TTC39B: variants seen among roughly 807,000 people sequenced by gnomAD.
TTC39B encodes the protein tetratricopeptide repeat domain 39B.
Under a neutral mutation model 96.6 loss-of-function variants are expected in TTC39B, and 92 were observed. The ratio of observed to expected loss-of-function variants is 0.95; its 90% confidence interval spans 0.80 to 1.13. The LOEUF is 1.13. TTC39B is among the 50% of genes most tolerant of loss of function. The pLI, the probability that TTC39B is intolerant of heterozygous loss-of-function variation, is 0.00. For missense variants in TTC39B, 955 were observed against 809.3 expected (o/e 1.18, Z -2.18); for synonymous variants, 367 against 299.4 (o/e 1.23, Z -2.33).
intron 1 of TTC39B, among the ~76,000 whole-genome samples, chr9:15,301,448 T>C (rs1035223533): frequency 3.2e-4 from 48 of 152,122 alleles, no homozygotes; most frequent in African/African-American, 1.1e-3. Flanking sequence ...TCAATGAACG[T>C]TGGTGGAATG....
chr9:15,226,939 A>C (rs1821152262), intron 2 of TTC39B, among the ~76,000 whole-genome samples: 3 of 152,122 alleles, frequency 2.0e-5, no homozygotes, highest in Admixed American at 1.3e-4. Flanking sequence ...AAAAGAGGTA[A>C]AGTCATTAAA....
intron 18 of TTC39B, among the ~76,000 whole-genome samples, chr9:15,175,781 C>A (rs1295998624): frequency 6.6e-6 from 1 of 152,216 alleles, no homozygotes; most frequent in Non-Finnish European, 1.5e-5. Flanking sequence ...CTACCTCCAA[C>A]TGAGTCAAGG....
chr9:15,301,162 G>C (rs960981687), intron 1 of TTC39B, among the ~76,000 whole-genome samples: 2 of 152,134 alleles, frequency 1.3e-5, no homozygotes, highest in African/African-American at 2.4e-5. Context: ...CTCCTTTCAA[G>C]TCTTTGCCGG....
In TTC39B at chr9:15,172,058, C is replaced by T. The variant is rs769245921; in HGVS notation, c.2010G>A (p.Gln670=). The T allele has an allele frequency of 2.5e-6, 4 of 1,612,852 alleles. No homozygotes were observed. In the South Asian group the frequency reaches 4.4e-5, roughly 18 times the overall value. ...GTTTTCTCCAGAGGTGAAGAGCTGC[C>T]TGAATTCTGAAGTGTAGTCTGGACT... The change falls in exon 20 of 20, where the codon CAG becomes CAA. Residue 670 remains glutamine, a synonymous_variant. Coordinates refer to ENST00000512701, the Ensembl canonical transcript of TTC39B.
At chr9:15,222,407 C>A (rs1366314361) in intron 3 of TTC39B, among the ~76,000 whole-genome samples, 2 of 152,144 alleles carry the variant, frequency 1.3e-5, no homozygotes, top group Non-Finnish European at 2.9e-5. Context: ...ATCTTTAGAA[C>A]TTTCTCAGCT....
At chr9:15,263,440 T>C (rs528076266) in intron 2 of TTC39B, among the ~76,000 whole-genome samples, 2 of 152,286 alleles carry the variant, frequency 1.3e-5, no homozygotes, top group East Asian at 3.9e-4. Flanking sequence ...CTGTCAAGTG[T>C]GGTCAGTCCC....
At chr9:15,236,389 T>A (rs1438586274) in intron 2 of TTC39B, among the ~76,000 whole-genome samples, 1 of 152,114 alleles carries the variant, frequency 6.6e-6, no homozygotes, top group Non-Finnish European at 1.5e-5. Flanking sequence ...CTTCAACACC[T>A]CCACTGACAT....
intron 1 of TTC39B, among the ~76,000 whole-genome samples, chr9:15,291,632 T>C (rs533716085): frequency 4.6e-5 from 7 of 152,348 alleles, no homozygotes; most frequent in Non-Finnish European, 1.0e-4. Flanking sequence ...CTGCTATTTA[T>C]CCAACATGTT....
At chr9:15,302,641 C>A (rs1006323698) in intron 1 of TTC39B, among the ~76,000 whole-genome samples, 4 of 148,196 alleles carry the variant, frequency 2.7e-5, no homozygotes, top group East Asian at 4.1e-4. Flanking sequence ...GTCAGGAGTT[C>A]GAGACCGGCC....
At chr9:15,218,456 AC>A (rs1820648283) in intron 3 of TTC39B, among the ~76,000 whole-genome samples, 1 of 152,010 alleles carries the variant, frequency 6.6e-6, no homozygotes, top group Non-Finnish European at 1.5e-5. Context: ...CAAGTTAACA[AC>A]CATGTCTAAC....
intron 2 of TTC39B, among the ~76,000 whole-genome samples, chr9:15,259,672 G>A (rs182318985): frequency 6.6e-6 from 1 of 152,242 alleles, no homozygotes; most frequent in African/African-American, 2.4e-5. Context: ...GGTTCAACTT[G>A]CAATTTTCCA....
intron 2 of TTC39B, among the ~76,000 whole-genome samples, chr9:15,248,640 T>C (rs1489013642): frequency 1.3e-5 from 2 of 152,190 alleles, no homozygotes; most frequent in Non-Finnish European, 2.9e-5. Flanking sequence ...ATGAAATGAA[T>C]GAACGAATAT....
chr9:15,218,632 T>TAAAAAAAAATA (rs545882970), intron 3 of TTC39B, among the ~76,000 whole-genome samples: 1 of 105,110 alleles, frequency 9.5e-6, no homozygotes, highest in Non-Finnish European at 2.2e-5. Flanking sequence ...TTAGTCTATT[T>TAAAAAAAAATA]TAAATATATA....
chr9:15,265,568 G>A (rs1196497153), intron 2 of TTC39B, among the ~76,000 whole-genome samples: 1 of 152,142 alleles, frequency 6.6e-6, no homozygotes, highest in Non-Finnish European at 1.5e-5. Flanking sequence ...TCTGAATGGC[G>A]ATCACTTGCC....
rs186604712 is a variant in TTC39B, at chr9:15,204,326, C to T, written c.692-436G>A. 8.6e-4 allele frequency among the ~76,000 whole-genome samples: 131 copies of T among 152,082 alleles called. 1 individual carries two copies. Among genetic ancestry groups the T allele is most frequent in the East Asian group, 7.9e-3 (41 of 5,178 alleles). Reference sequence around the variant, plus strand: ...GGTGGATCACCTGAGGTCAGGAGATCGAGACCAGCCTGACCAACAGGCAGA... The same window carrying T: ...GGTGGATCACCTGAGGTCAGGAGATTGAGACCAGCCTGACCAACAGGCAGA... On this transcript the variant is annotated intron_variant, in intron 6 of 19. Coordinates refer to ENST00000512701, the Ensembl canonical transcript of TTC39B.
At chr9:15,248,645 G>A (rs570146323) in intron 2 of TTC39B, among the ~76,000 whole-genome samples, 4 of 144,800 alleles carry the variant, frequency 2.8e-5, no homozygotes, top group South Asian at 2.2e-4. Flanking sequence ...ATGAATGAAC[G>A]AATATAAGAT....
chr9:15,204,426 G>T (rs1372495351), intron 6 of TTC39B, among the ~76,000 whole-genome samples: 1 of 152,072 alleles, frequency 6.6e-6, no homozygotes, highest in Non-Finnish European at 1.5e-5. Flanking sequence ...CTATTCGGGA[G>T]GCTGAGGTAG....
At position 15,188,147 on chromosome 9, in the gene TTC39B, C is replaced by G. The variant is rs777864932; in HGVS notation, c.1234-15G>C. ...ACTTCTTGTGCCTGTAAATCAAGTA[C>G]ACAAAGTTGATCGTCCAGATATTAG... On this transcript the variant is annotated splice_polypyrimidine_tract_variant and intron_variant, in intron 13 of 19. Coordinates refer to ENST00000512701, the Ensembl canonical transcript of TTC39B. 2 of 1,574,692 alleles carry G rather than the reference C, an allele frequency of 1.3e-6. No homozygotes were observed. Among genetic ancestry groups the G allele is most frequent in the African/African-American group, 2.7e-5 (2 of 73,422 alleles).
chr9:15,267,909 C>A lies in TTC39B; in HGVS notation c.275+5G>T, dbSNP rs1315803682. On this transcript the variant is annotated splice_donor_5th_base_variant and intron_variant, in intron 2 of 19. Transcript: ENST00000512701. ...CTACATACTTTTTATTATGTTATTA[C>A]TTACATTGAGATGGTTTCCAAGGCA... is the stretch of plus-strand genomic sequence containing the variant. 3.1e-6 allele frequency: 5 copies of A among 1,607,456 alleles called. No individual in the cohort carries two copies. The highest frequency in any genetic ancestry group is 4.2e-6 in the Non-Finnish European group (5 of 1,177,490).
Sources: gnomAD v4.1 joint callset for allele counts (sites outside exome capture counted in the v4.1 genomes callset) on GRCh38, gnomAD v4.1.1 for gene constraint, MANE v1.5 for transcripts, NCBI Gene and HGNC (gene_info 2026-07-23, HGNC 2026-07-21) for gene names.